The following CYP4X1 variants were observed in gnomAD, a reference collection of about 807,000 sequenced individuals.
The protein encoded by CYP4X1 is cytochrome P450 family 4 subfamily X member 1, also known as cytochrome P450 4X1.
CYP4X1 carries 44 observed loss-of-function variants against 57.9 expected under a neutral mutation model. The observed-to-expected ratio is 0.76, with a 90% CI of 0.60 to 0.98. The LOEUF (loss-of-function observed/expected upper bound fraction) is 0.98, where lower values mean the gene tolerates loss of function less well. Among genes scored for constraint, CYP4X1 ranks in the 50% least tolerant of loss-of-function variants. The probability of loss-of-function intolerance (pLI) is 0.00; values close to 1 mark genes in which losing one functional copy is unlikely to be tolerated. For missense variants in CYP4X1, 532 were observed against 623.9 expected (o/e 0.85, Z 1.57); for synonymous variants, 227 against 228.6 (o/e 0.99, Z 0.06).
chr1:47,039,398 C>G lies in CYP4X1; in HGVS notation c.939C>G (p.Phe313Leu). The change falls in exon 8 of 12, where the codon TTC (phenylalanine) becomes TTG (leucine). Residue 313 changes from phenylalanine (F) to leucine (L), a missense_variant. Physicochemically the swap from Phe to Leu is conservative, Grantham distance 22. Coordinates refer to ENST00000371901, the MANE Select transcript of CYP4X1 (RefSeq NM_178033.2). ...ATGTACACTCTGAAGTGAGCACATT[C>G]CTGTTGGCAGGACATGACACCTTGG... ...DIDVHSEVST[F>L]LLAGHDTLAA... 1 of 1,613,588 alleles carries G rather than the reference C, an allele frequency of 6.2e-7. No individual in the cohort carries two copies. The highest frequency in any genetic ancestry group is 8.5e-7 in the Non-Finnish European group (1 of 1,179,772).
At position 47,023,934 on chromosome 1, in the gene CYP4X1, G is replaced by C; in HGVS notation, c.117G>C (p.Leu39=). Residue 39 remains leucine, a synonymous_variant, in exon 1 of 12, where the codon CTG becomes CTC. Coordinates refer to ENST00000371901, the MANE Select transcript of CYP4X1 (RefSeq NM_178033.2). ...AIKLYLRRQR[L]LRDLRPFPAP... ...AGCTGTACCTGCGGAGGCAGCGGCT[G>C]CTGCGGGACCTGCGCCCCTTCCCAG... is the stretch of plus-strand genomic sequence containing the variant. 6.2e-7 allele frequency: 1 copy of C among 1,613,518 alleles called. No individual in the cohort carries two copies. Among genetic ancestry groups the C allele is most frequent in the African/African-American group, 1.3e-5 (1 of 75,056 alleles).
At chr1:46,989,258 G>A in the CYP4X1 span, among the ~76,000 whole-genome samples, 4 of 151,922 alleles carry the variant, frequency 2.6e-5, no homozygotes, top group African/African-American at 4.8e-5. Flanking sequence ...AACAATAATC[G>A]ACAAACAGAG....
At chr1:46,991,932 A>C in the CYP4X1 span, among the ~76,000 whole-genome samples, 3 of 152,218 alleles carry the variant, frequency 2.0e-5, no homozygotes, top group Non-Finnish European at 4.4e-5. Flanking sequence ...CTGGCTTTAC[A>C]AAGTGCCTGG....
At chr1:47,006,144 T>C in the CYP4X1 span, among the ~76,000 whole-genome samples, 1 of 152,244 alleles carries the variant, frequency 6.6e-6, no homozygotes, top group Non-Finnish European at 1.5e-5. Context: ...ACATAAACTT[T>C]TTGTGTAAAT....
Position 47,036,040 on chromosome 1 carries a change from C to G in CYP4X1, c.644C>G (p.Ala215Gly), listed in dbSNP as rs534713554. The change falls in exon 6 of 12, where the codon GCC becomes GGC. Residue 215 changes from alanine to glycine, a missense_variant. Coordinates refer to ENST00000371901, the MANE Select transcript of CYP4X1 (RefSeq NM_178033.2). ...AGCACCCATGATCCTTATGCAAAAG[C>G]CATATTTGAACTCAGCAAAATCATA... ...TNSTHDPYAK[A>G]IFELSKIIFH... The G allele has an allele frequency of 1.8e-5, 29 of 1,613,166 alleles. No homozygotes were observed. In the African/African-American group the frequency reaches 3.2e-4, roughly 18 times the overall value.
intron 1 of CYP4X1, among the ~76,000 whole-genome samples, chr1:47,029,091 A>G (rs1381080561): frequency 6.6e-6 from 1 of 152,218 alleles, no homozygotes; most frequent in African/African-American, 2.4e-5. Context: ...GATGAGAGCA[A>G]ACAATCCTGC....
intron 6 of CYP4X1, 41 bp downstream of exon 6, chr1:47,036,212 A>G (rs1193323189): frequency 1.3e-6 from 2 of 1,574,402 alleles, no homozygotes; most frequent in Admixed American, 1.8e-5. Context: ...ATACGCTGCC[A>G]TGATTGTACT....
At chr1:46,962,299 G>A in the CYP4X1 span, among the ~76,000 whole-genome samples, 1 of 152,126 alleles carries the variant, frequency 6.6e-6, no homozygotes, top group Middle Eastern at 3.4e-3. Flanking sequence ...CATATTTTTA[G>A]TAGAGAAGGG....
chr1:47,041,132 A>G (rs186201249), intron 8 of CYP4X1, among the ~76,000 whole-genome samples: 168 of 152,218 alleles, frequency 1.1e-3, no homozygotes, highest in African/African-American at 3.8e-3. Context: ...TGTCTTTTCT[A>G]TGGCTAATTG....
Position 47,046,573 on chromosome 1 carries a change from T to C in CYP4X1, c.1180T>C (p.Phe394Leu), listed in dbSNP as rs758128782. 2 of 1,614,178 alleles carry C rather than the reference T, an allele frequency of 1.2e-6. No individual in the cohort carries two copies. The highest frequency in any genetic ancestry group is 2.2e-5 in the East Asian group (1 of 44,884). ...CAGAGATCTCAGCAAGCCACTTACC[T>C]TCCCAGATGGATGCACATTGCCTGC... ...ISRDLSKPLT[F>L]PDGCTLPAGI... The change falls in exon 9 of 12, where the codon TTC becomes CTC. Residue 394 changes from phenylalanine (F) to leucine (L), a missense_variant. Transcript: ENST00000371901.
chr1:46,991,829 G>C, the CYP4X1 span, among the ~76,000 whole-genome samples: 1 of 152,184 alleles, frequency 6.6e-6, no homozygotes, highest in Non-Finnish European at 1.5e-5. Flanking sequence ...GCGTGGGAAG[G>C]AGGAGGCTTT....
chr1:46,967,847 C>A, the CYP4X1 span: 6 of 1,227,744 alleles, frequency 4.9e-6, no homozygotes, highest in South Asian at 7.9e-5. Context: ...TCATTCATGG[C>A]AAATTTTTTC....
At chr1:47,053,149 T>C (rs1379808679), downstream of CYP4X1, among the ~76,000 whole-genome samples, 1 of 152,012 alleles carries the variant, frequency 6.6e-6, no homozygotes, top group Non-Finnish European at 1.5e-5. Flanking sequence ...TTCCCACCTA[T>C]GAGTGAGAAC....
At chr1:47,048,753 C>T (rs1644329698) in intron 10 of CYP4X1, 124 bp downstream of exon 10, 1 of 934,142 alleles carries the variant, frequency 1.1e-6, no homozygotes, top group South Asian at 1.7e-5. Context: ...CAAAAATAAA[C>T]ATAAAAGCCA....
At chr1:47,007,246 C>T in the CYP4X1 span, among the ~76,000 whole-genome samples, 8 of 152,140 alleles carry the variant, frequency 5.3e-5, no homozygotes, top group South Asian at 2.1e-4. Context: ...GCAAACGATC[C>T]GGCAGCAACA....
At chr1:46,981,876 A>G in the CYP4X1 span, among the ~76,000 whole-genome samples, 1 of 152,174 alleles carries the variant, frequency 6.6e-6, no homozygotes, top group Non-Finnish European at 1.5e-5. Context: ...GCAAACTATC[A>G]CAAGGACAGA....
downstream of CYP4X1, among the ~76,000 whole-genome samples, chr1:47,051,808 G>T (rs867552671): frequency 7.9e-5 from 12 of 152,074 alleles, no homozygotes; most frequent in Admixed American, 3.9e-4. Flanking sequence ...ATATTTCCTT[G>T]TTTTTTTCTG....
At chr1:46,994,655 T>C in the CYP4X1 span, among the ~76,000 whole-genome samples, 1 of 152,182 alleles carries the variant, frequency 6.6e-6, no homozygotes. Flanking sequence ...GTGTCCAGAA[T>C]TGATTGATTG....
intron 9 of CYP4X1, among the ~76,000 whole-genome samples, chr1:47,047,300 A>G (rs2148516250): frequency 6.6e-6 from 1 of 152,298 alleles, no homozygotes; most frequent in Admixed American, 6.5e-5. Context: ...CATGTGAGAC[A>G]TATTATCTGA....
Sources: gnomAD v4.1 joint callset for allele counts (sites outside exome capture counted in the v4.1 genomes callset) on GRCh38, gnomAD v4.1.1 for gene constraint, MANE v1.5 for transcripts, NCBI Gene and HGNC (gene_info 2026-07-23, HGNC 2026-07-21) for gene names.